The following PIWIL2 variants were observed in gnomAD, a reference collection of about 807,000 sequenced individuals.
PIWIL2 encodes piwi-like protein 2.
A neutral mutation model predicts 116.5 loss-of-function variants in PIWIL2; 81 were observed. That is an observed-to-expected ratio of 0.70 (90% CI 0.58 to 0.84). PIWIL2 has a LOEUF of 0.84. PIWIL2 is among the 40% of genes least tolerant of loss of function. PIWIL2 has a pLI of 0.00. For synonymous variants in PIWIL2, 489 were observed against 429.5 expected, an observed-to-expected ratio of 1.14 and a Z score of -1.71; for missense variants, 1,272 against 1,212.3, an observed-to-expected ratio of 1.05 and a Z score of -0.73.
chr8:22,330,697 A>AAAGTAAAT (rs1554504110), intron 20 of PIWIL2, among the ~76,000 whole-genome samples: 1 of 137,132 alleles, frequency 7.3e-6, no homozygotes, highest in Non-Finnish European at 1.6e-5. Context: ...ACTCTGTCTC[A>AAAGTAAAT]AAATAAATAA....
chr8:22,292,757 C>T (rs752937186), intron 10 of PIWIL2, among the ~76,000 whole-genome samples: 7 of 152,156 alleles, frequency 4.6e-5, no homozygotes, highest in Non-Finnish European at 7.3e-5. Context: ...GGAGATTGGT[C>T]GTTTGTTACT....
chr8:22,281,112 T>A lies in PIWIL2; in HGVS notation c.199-8T>A, dbSNP rs1328057764. ...CCTCTTAGAACTTTATTCTTTGACT[T>A]TCCACAGGAGTCTGTGGGTTTGGTC... On this transcript the variant is annotated splice_polypyrimidine_tract_variant and splice_region_variant and intron_variant, in intron 2 of 22. Transcript: ENST00000356766. 1 of 1,586,960 alleles carries A rather than the reference T, an allele frequency of 6.3e-7. No homozygotes were observed. Among genetic ancestry groups the A allele is most frequent in the South Asian group, 1.1e-5 (1 of 87,254 alleles).
Position 22,355,653 on chromosome 8 carries a change from T to G in PIWIL2, c.*148T>G. 1 of 723,292 alleles carries G rather than the reference T, an allele frequency of 1.4e-6. No individual in the cohort carries two copies. The highest frequency in any genetic ancestry group is 2.2e-6 in the Non-Finnish European group (1 of 449,744). 44.8% of individuals were successfully genotyped at this position (723,292 alleles called of 1,614,324 possible). A position where few individuals can be genotyped will look rare whatever the true frequency, so the allele number is the denominator to read the frequency against. ...TGTAGAATAAGATTTCTTTCTTGTC[T>G]TTTAAACCTAATATCACCAAGAAGC... is the stretch of plus-strand genomic sequence containing the variant. On this transcript the variant is annotated 3_prime_UTR_variant, in exon 23 of 23. Coordinates refer to ENST00000356766, the MANE Select transcript of PIWIL2 (RefSeq NM_018068.5).
At chr8:22,336,865 A>G (rs1474824910) in intron 20 of PIWIL2, among the ~76,000 whole-genome samples, 1 of 152,182 alleles carries the variant, frequency 6.6e-6, no homozygotes, top group African/African-American at 2.4e-5. Context: ...AGTTTAGACC[A>G]TTTATGAAAA....
At chr8:22,313,303 A>G (rs181802152) in intron 16 of PIWIL2, among the ~76,000 whole-genome samples, 9 of 152,312 alleles carry the variant, frequency 5.9e-5, no homozygotes, top group African/African-American at 1.7e-4. Context: ...GGGGAGTGAA[A>G]TGAACTAAAG....
chr8:22,284,387 TA>T (rs1219264344), intron 6 of PIWIL2, 115 bp downstream of exon 6: 4 of 554,626 alleles, frequency 7.2e-6, no homozygotes, highest in Non-Finnish European at 9.5e-6. Flanking sequence ...CTCAATGCAA[TA>T]ATGTGTTTAC....
chr8:22,315,329 T>G (rs1443478177), intron 18 of PIWIL2, among the ~76,000 whole-genome samples, 184 bp downstream of exon 18: 2 of 152,208 alleles, frequency 1.3e-5, no homozygotes, highest in African/African-American at 4.8e-5. Context: ...GTTTTTTGTG[T>G]TTTTGAGACG....
rs898560945 is a variant in PIWIL2 at position 22,309,127 on chromosome 8, A to C, written c.1687-834A>C. 9.8e-4 allele frequency among the ~76,000 whole-genome samples: 148 copies of C among 151,232 alleles called. 2 individuals are homozygous for C. Among genetic ancestry groups the C allele is most frequent in the Non-Finnish European group, 6.5e-4 (44 of 67,840 alleles). ...CAAGCACGTGCCACCACGTCCGGCT[A>C]ATTTTTGTATTTTTAGTAGAGACGG... On this transcript the variant is annotated intron_variant, in intron 14 of 22. Transcript: ENST00000356766.
chr8:22,327,878 C>T (rs1247664756), intron 20 of PIWIL2, among the ~76,000 whole-genome samples: 3 of 152,124 alleles, frequency 2.0e-5, no homozygotes, highest in Non-Finnish European at 4.4e-5. Context: ...GTATGATTTA[C>T]AAATATCTCC....
chr8:22,316,349 A>G lies in PIWIL2; in HGVS notation c.2297+16A>G, dbSNP rs773340102. ...GCATCAATCTGTAAGTACTGCTCACAGTGCCATCTTGTTTGATTATTTCAT... is the reference window on the plus strand; with the variant it reads ...GCATCAATCTGTAAGTACTGCTCACGGTGCCATCTTGTTTGATTATTTCAT... On this transcript the variant is annotated intron_variant, in intron 19 of 22. Transcript: ENST00000356766. The G allele has an allele frequency of 4.0e-6, 6 of 1,494,722 alleles. No homozygotes were observed. The highest frequency in any genetic ancestry group is 1.7e-4 in the Middle Eastern group (1 of 5,886). The allele number at this position is 1,494,722 out of a possible 1,614,324, so 92.6% of individuals were successfully genotyped here. A position where few individuals can be genotyped will look rare whatever the true frequency, so the allele number is the denominator to read the frequency against.
At position 22,290,317 on chromosome 8, in the gene PIWIL2, C is replaced by A; in HGVS notation, c.1152C>A (p.Val384=). 6.2e-7 allele frequency: 1 copy of A among 1,608,742 alleles called. No individual in the cohort carries two copies. Among genetic ancestry groups the A allele is most frequent in the South Asian group, 1.1e-5 (1 of 90,780 alleles). ...LFLLADVSHK[V]IRNDCVLDVM... ...TGCTAGCTGATGTCTCCCATAAGGT[C>A]ATTCGGAATGACTGTGTGCTGGATG... The change falls in exon 10 of 23, where the codon GTC becomes GTA. Residue 384 remains valine, a synonymous_variant. Coordinates refer to ENST00000356766, the MANE Select transcript of PIWIL2 (RefSeq NM_018068.5).
intron 20 of PIWIL2, 105 bp downstream of exon 20, chr8:22,318,380 C>T (rs186131646): frequency 3.0e-5 from 19 of 633,190 alleles, no homozygotes; most frequent in Non-Finnish European, 4.5e-5. Flanking sequence ...TGCAGTGGTG[C>T]GATCTCTGTT....
intron 20 of PIWIL2, chr8:22,321,820 C>G: frequency 1.0e-6 from 1 of 976,090 alleles, no homozygotes; most frequent in Non-Finnish European, 1.2e-6. Context: ...TCTGGACTCC[C>G]CATTTTTATT....
chr8:22,286,818 T>G (rs1435598493), intron 6 of PIWIL2, among the ~76,000 whole-genome samples: 2 of 151,914 alleles, frequency 1.3e-5, no homozygotes, highest in East Asian at 3.9e-4. Context: ...GAACAGGGTT[T>G]CACCGTGATG....
chr8:22,279,418 A>G lies in PIWIL2; in HGVS notation c.32A>G (p.Gln11Arg), dbSNP rs769283710. 3 of 1,614,172 alleles carry G rather than the reference A, an allele frequency of 1.9e-6. No individual in the cohort carries two copies. The highest frequency in any genetic ancestry group is 2.5e-6 in the Non-Finnish European group (3 of 1,180,020). The change falls in exon 2 of 23, where the codon CAG becomes CGG. Residue 11 changes from glutamine to arginine, a missense_variant. Gln to Arg is a conservative substitution (Grantham distance 43, BLOSUM62 1). Transcript: ENST00000356766. ...CCTTTCCGACCATCGTTCAGGGGCC[A>G]GTCTCCTATCCACCCATCCCAGTGC... MDPFRPSFRG[Q>R]SPIHPSQCQA...
chr8:22,347,803 A>G (rs1051192880), intron 20 of PIWIL2, among the ~76,000 whole-genome samples: 55 of 152,076 alleles, frequency 3.6e-4, no homozygotes, highest in Non-Finnish European at 6.3e-4. Flanking sequence ...CTGGGATTAC[A>G]GGTGTGAGCC....
In PIWIL2 at chr8:22,353,176, G is replaced by T; in HGVS notation, c.2621G>T (p.Gly874Val). 1 of 1,613,950 alleles carries T rather than the reference G, an allele frequency of 6.2e-7. No homozygotes were observed. Among genetic ancestry groups the T allele is most frequent in the Non-Finnish European group, 8.5e-7 (1 of 1,179,878 alleles). ...APQNFVTPTP[G>V]TVVDHTITSC... is the part of the protein sequence containing the mutation. Reference sequence around the variant, plus strand: ...CAGAACTTTGTAACTCCCACTCCTGGAACTGTGGTAGATCATACAATAACA... The same window carrying T: ...CAGAACTTTGTAACTCCCACTCCTGTAACTGTGGTAGATCATACAATAACA... Residue 874 changes from glycine to valine, a missense_variant, in exon 21 of 23, where the codon GGA becomes GTA. By Grantham distance (109) the Gly-to-Val change is moderately radical. Coordinates refer to ENST00000356766, the MANE Select transcript of PIWIL2 (RefSeq NM_018068.5).
intron 2 of PIWIL2, among the ~76,000 whole-genome samples, 159 bp downstream of exon 2, chr8:22,279,743 G>A (rs546113420): frequency 9.9e-5 from 15 of 152,238 alleles, no homozygotes; most frequent in African/African-American, 3.4e-4. Context: ...ATCTGAGGTC[G>A]GGAGTTCAAG....
intron 8 of PIWIL2, among the ~76,000 whole-genome samples, chr8:22,289,337 G>A (rs1830703919): frequency 6.6e-6 from 1 of 152,046 alleles, no homozygotes; most frequent in Non-Finnish European, 1.5e-5. Context: ...ATTTTTAATA[G>A]AGATGATGTT....
Sources: allele counts gnomAD v4.1 joint callset (sites outside exome capture counted in the v4.1 genomes callset), GRCh38; gene constraint gnomAD v4.1.1; transcripts MANE v1.5; gene names NCBI Gene and HGNC (gene_info 2026-07-23, HGNC 2026-07-21).